The following PCSK5 variants were observed in gnomAD, a reference collection of about 807,000 sequenced individuals.
PCSK5 encodes the protein prohormone convertase 5.
A neutral mutation model predicts 233.2 loss-of-function variants in PCSK5; 129 were observed. The ratio of observed to expected loss-of-function variants is 0.55; its 90% CI spans 0.48 to 0.64. The LOEUF (loss-of-function observed/expected upper bound fraction) is 0.64, where lower values mean the gene tolerates loss of function less well. Among genes scored for constraint, PCSK5 ranks in the 30% least tolerant of loss-of-function variants. PCSK5 has a pLI of 0.00. For synonymous variants in PCSK5, 825 were observed against 879.2 expected (o/e 0.94, Z 1.09); for missense variants, 2,076 against 2,430.1 (o/e 0.85, Z 3.06).
rs1827050758 is a variant in PCSK5 at position 76,258,351 on chromosome 9, G to T, written c.3142+17667G>T. 2.0e-5 allele frequency among the ~76,000 whole-genome samples: 3 copies of T among 152,188 alleles called. No homozygotes were observed. In the South Asian group the frequency reaches 6.2e-4, roughly 32 times the overall value. On this transcript the variant is annotated intron_variant, in intron 24 of 37. Transcript: ENST00000674117. The stretch of plus-strand genomic sequence containing the variant: ...AGATTACCATGACCCCAGCATTTGA[G>T]TGATGACATTGAGCCTTTGGGTCAG...
intron 22 of PCSK5, among the ~76,000 whole-genome samples, chr9:76,236,056 A>T (rs898677157): frequency 4.6e-5 from 7 of 152,204 alleles, no homozygotes; most frequent in African/African-American, 1.7e-4. Flanking sequence ...GCCTCTTGGA[A>T]GTGTACATCT....
chr9:76,341,477 A>G (rs201459046), intron 35 of PCSK5, among the ~76,000 whole-genome samples: 1 of 152,192 alleles, frequency 6.6e-6, no homozygotes, highest in East Asian at 1.9e-4. Flanking sequence ...TATAATTAAT[A>G]GAGACGATGT....
At chr9:76,329,108 T>C (rs1829455484) in intron 33 of PCSK5, among the ~76,000 whole-genome samples, 1 of 151,386 alleles carries the variant, frequency 6.6e-6, no homozygotes, top group East Asian at 1.9e-4. Flanking sequence ...TGTGAGCCAC[T>C]GCGCCCGGCC....
At chr9:76,214,939 C>T (rs146230584) in intron 20 of PCSK5, among the ~76,000 whole-genome samples, 2 of 152,338 alleles carry the variant, frequency 1.3e-5, no homozygotes, top group East Asian at 1.9e-4. Context: ...CTACAACTTT[C>T]TCCTCTCCCT....
chr9:76,331,458 G>T (rs181032724), intron 33 of PCSK5, among the ~76,000 whole-genome samples: 9 of 152,184 alleles, frequency 5.9e-5, no homozygotes, highest in South Asian at 2.1e-4. Flanking sequence ...ACAAGGTCAG[G>T]AGATCGAGAC....
chr9:76,310,443 G>A (rs1828832085), intron 29 of PCSK5, among the ~76,000 whole-genome samples: 1 of 152,108 alleles, frequency 6.6e-6, no homozygotes, highest in Non-Finnish European at 1.5e-5. Flanking sequence ...ATATCTGTAG[G>A]ATAGGAAAGA....
intron 27 of PCSK5, among the ~76,000 whole-genome samples, chr9:76,301,398 G>A (rs566274282): frequency 1.7e-4 from 26 of 152,216 alleles, no homozygotes; most frequent in African/African-American, 6.3e-4. Context: ...CTAATAGGCA[G>A]AATCCTGACT....
intron 9 of PCSK5, among the ~76,000 whole-genome samples, chr9:76,107,919 A>T (rs1309118647): frequency 1.3e-5 from 2 of 152,204 alleles, no homozygotes; most frequent in African/African-American, 4.8e-5. Context: ...TTCTCTAAGA[A>T]CAAATAGGTT....
intron 5 of PCSK5, among the ~76,000 whole-genome samples, chr9:76,061,902 A>G (rs1209524166): frequency 6.6e-6 from 1 of 152,216 alleles, no homozygotes. Flanking sequence ...AATGTTTTAA[A>G]TTGATCATTT....
chr9:76,343,331 ATTTGTGTGTGTGTGTGTG>A (rs1469503875), intron 35 of PCSK5, among the ~76,000 whole-genome samples: 18 of 85,684 alleles, frequency 2.1e-4, no homozygotes, highest in African/African-American at 5.2e-4. Flanking sequence ...CACCTGGGTA[ATTTGTGTGTGTGTGTGTG>A]TGTGTGTGTG....
intron 3 of PCSK5, among the ~76,000 whole-genome samples, chr9:76,018,144 A>G (rs926091161): frequency 6.6e-6 from 1 of 151,522 alleles, no homozygotes; most frequent in Non-Finnish European, 1.5e-5. Context: ...GAAATGGAGC[A>G]GGACTAACCA....
At chr9:76,016,851 T>C (rs1223716994) in intron 3 of PCSK5, among the ~76,000 whole-genome samples, 1 of 152,224 alleles carries the variant, frequency 6.6e-6, no homozygotes, top group Non-Finnish European at 1.5e-5. Flanking sequence ...TATGCTTTGA[T>C]TTCTTAACCC....
chr9:76,214,680 C>A (rs549310667), intron 20 of PCSK5, among the ~76,000 whole-genome samples: 1 of 152,112 alleles, frequency 6.6e-6, no homozygotes, highest in Non-Finnish European at 1.5e-5. Flanking sequence ...TGGAGCACTC[C>A]GAACAATTCC....
At position 76,247,904 on chromosome 9, in the gene PCSK5, C is replaced by T. The variant is rs555470929; in HGVS notation, c.3142+7220C>T. On this transcript the variant is annotated intron_variant, in intron 24 of 37. Coordinates refer to ENST00000674117, the MANE Select transcript of PCSK5 (RefSeq NM_001372043.1). ...GGTTCAAGCAATTCTCCTGCCTCAG[C>T]CTCCCAAGTAGCTGGGATTACAGGC... Among the ~76,000 whole-genome samples, 32 of 152,148 alleles carry T rather than the reference C, an allele frequency of 2.1e-4. No homozygotes were observed. In the East Asian group the frequency reaches 6.0e-3, roughly 28 times the overall value.
At chr9:76,201,693 AAGTT>A (rs1824921441) in intron 20 of PCSK5, among the ~76,000 whole-genome samples, 1 of 152,218 alleles carries the variant, frequency 6.6e-6, no homozygotes, top group African/African-American at 2.4e-5. Context: ...TTGATCATTA[AAGTT>A]AGTAACAACC....
chr9:76,090,441 C>G (rs1658619492), intron 7 of PCSK5, among the ~76,000 whole-genome samples: 1 of 152,120 alleles, frequency 6.6e-6, no homozygotes, highest in South Asian at 2.1e-4. Context: ...GATGGCATTT[C>G]CAGCCTGCAA....
At chr9:75,996,893 T>A (rs889048509) in intron 3 of PCSK5, among the ~76,000 whole-genome samples, 1 of 151,282 alleles carries the variant, frequency 6.6e-6, no homozygotes, top group African/African-American at 2.4e-5. Context: ...GGAGAGCAGA[T>A]AGGATTGACC....
intron 3 of PCSK5, among the ~76,000 whole-genome samples, chr9:76,002,142 G>A (rs1827287880): frequency 6.6e-6 from 1 of 152,138 alleles, no homozygotes; most frequent in African/African-American, 2.4e-5. Context: ...ACCTGCTAGA[G>A]ATAACAAGTA....
At position 76,240,687 on chromosome 9, in the gene PCSK5, A is replaced by G; in HGVS notation, c.3142+3A>G. On this transcript the variant is annotated splice_donor_region_variant and intron_variant, in intron 24 of 37. Transcript: ENST00000674117. ...AGGATGTCTGGGATGCAGCTTGGGT[A>G]TGTCCTCTTCCTTTGTCACCTAAAG... The G allele has an allele frequency of 6.4e-7, 1 of 1,572,522 alleles. No homozygotes were observed. The highest frequency in any genetic ancestry group is 1.7e-4 in the Middle Eastern group (1 of 6,016).
Sources: gnomAD v4.1 joint callset for allele counts (sites outside exome capture counted in the v4.1 genomes callset) on GRCh38, gnomAD v4.1.1 for gene constraint, MANE v1.5 for transcripts, NCBI Gene and HGNC (gene_info 2026-07-23, HGNC 2026-07-21) for gene names.